Variants in FHIT observed in about 807,000 individuals in gnomAD.
FHIT encodes the protein bis(5'-adenosyl)-triphosphatase.
FHIT carries 19 observed loss-of-function variants against 17.9 expected under a neutral mutation model. That is an observed-to-expected ratio of 1.06 (90% CI 0.74 to 1.56). FHIT has a LOEUF of 1.56. FHIT is among the 40% of genes most tolerant of loss of function. The pLI, the probability that FHIT is intolerant of heterozygous loss-of-function variation, is 0.00. For missense variants in FHIT, 248 were observed against 189.2 expected, an observed-to-expected ratio of 1.31 and a Z score of -1.82; for synonymous variants, 81 against 69.7, an observed-to-expected ratio of 1.16 and a Z score of -0.81.
chr3:60,875,047 T>C (rs1335961220), intron 3 of FHIT, among the ~76,000 whole-genome samples: 1 of 152,188 alleles, frequency 6.6e-6, no homozygotes, highest in Non-Finnish European at 1.5e-5. Flanking sequence ...CAACAGTAGA[T>C]GCTCAGCAAT....
intron 7 of FHIT, among the ~76,000 whole-genome samples, chr3:59,933,516 A>C (rs1289205666): frequency 6.6e-6 from 1 of 152,160 alleles, no homozygotes; most frequent in African/African-American, 2.4e-5. Flanking sequence ...GAATTAAATA[A>C]ATTGTGCAAG....
chr3:60,578,109 T>G (rs1193244814), intron 4 of FHIT, among the ~76,000 whole-genome samples: 2 of 152,050 alleles, frequency 1.3e-5, no homozygotes, highest in African/African-American at 4.8e-5. Flanking sequence ...GACATTTAAA[T>G]ACAGAAAGGG....
At chr3:60,943,710 T>C (rs1300176775) in intron 3 of FHIT, among the ~76,000 whole-genome samples, 1 of 152,286 alleles carries the variant, frequency 6.6e-6, no homozygotes, top group East Asian at 1.9e-4. Flanking sequence ...CTGCATACCA[T>C]AGCAAGCATT....
intron 2 of FHIT, among the ~76,000 whole-genome samples, chr3:61,189,784 T>C (rs1426587483): frequency 2.6e-5 from 4 of 151,860 alleles, no homozygotes; most frequent in Non-Finnish European, 5.9e-5. Context: ...ATGCCACATA[T>C]CTACAACTAT....
intron 7 of FHIT, among the ~76,000 whole-genome samples, chr3:59,975,956 G>A (rs1370861909): frequency 6.6e-6 from 1 of 152,050 alleles, no homozygotes; most frequent in Non-Finnish European, 1.5e-5. Context: ...GTACTAGAAT[G>A]CTCCCAGACA....
At chr3:60,527,064 C>A (rs1174379638) in intron 5 of FHIT, among the ~76,000 whole-genome samples, 2 of 152,118 alleles carry the variant, frequency 1.3e-5, no homozygotes, top group Non-Finnish European at 2.9e-5. Flanking sequence ...GCATCTGTCC[C>A]CACATGTCAG....
intron 4 of FHIT, among the ~76,000 whole-genome samples, chr3:60,745,192 T>C (rs2042332053): frequency 6.6e-6 from 1 of 152,216 alleles, no homozygotes; most frequent in Non-Finnish European, 1.5e-5. Context: ...ATTTTGGTAC[T>C]AGGAGGCTCT....
At position 60,524,394 on chromosome 3, in the gene FHIT, A is replaced by G. The variant is rs183068650; in HGVS notation, c.103+12466T>C. On this transcript the variant is annotated intron_variant, in intron 5 of 9. Coordinates refer to ENST00000492590, the MANE Select transcript of FHIT (RefSeq NM_002012.4). ...TCTGAAGGAGTTGAGTGAACATAGC[A>G]TATGTACATCTGGGGAATTGGCATT... Among the ~76,000 whole-genome samples the G allele has an allele frequency of 1.1e-4, 17 of 152,320 alleles. No homozygotes were observed. In the East Asian group the frequency reaches 1.5e-3, roughly 14 times the overall value.
At chr3:59,994,157 G>C (rs1213018513) in intron 7 of FHIT, among the ~76,000 whole-genome samples, 2 of 152,026 alleles carry the variant, frequency 1.3e-5, no homozygotes, top group African/African-American at 4.8e-5. Context: ...GGGTTACAAA[G>C]CATTACTCCC....
At chr3:59,775,942 C>T (rs189246587) in intron 8 of FHIT, among the ~76,000 whole-genome samples, 1 of 152,078 alleles carries the variant, frequency 6.6e-6, no homozygotes, top group Non-Finnish European at 1.5e-5. Context: ...ATAATGAAGC[C>T]CCATTAAAGC....
At chr3:60,773,678 C>T (rs782170346) in intron 4 of FHIT, among the ~76,000 whole-genome samples, 9 of 152,232 alleles carry the variant, frequency 5.9e-5, no homozygotes, top group Non-Finnish European at 1.3e-4. Flanking sequence ...TTCTAGCTTA[C>T]AAGATAATCA....
In FHIT at chr3:60,976,933, C is replaced by T. The variant is rs369647854; in HGVS notation, c.-111+65114G>A. 5.3e-5 allele frequency among the ~76,000 whole-genome samples: 8 copies of T among 151,318 alleles called. No homozygotes were observed. In the East Asian group the frequency reaches 7.8e-4, roughly 15 times the overall value. On this transcript the variant is annotated intron_variant, in intron 3 of 9. Transcript: ENST00000492590. ...GACCTGAATTTCTATTAAAGGATTT[C>T]CTTTATTAACTCCTGCTGAAGAATT...
Position 61,006,859 on chromosome 3 carries a change from A to G in FHIT, c.-111+35188T>C, listed in dbSNP as rs562086805. Among the ~76,000 whole-genome samples, 9 of 152,320 alleles carry G rather than the reference A, an allele frequency of 5.9e-5. No individual in the cohort carries two copies. In the South Asian group the frequency reaches 1.7e-3, roughly 28 times the overall value. On this transcript the variant is annotated intron_variant, in intron 3 of 9. Coordinates refer to ENST00000492590, the MANE Select transcript of FHIT (RefSeq NM_002012.4). ...AAAAACTTACATAGTAGAAAGTTTA[A>G]TAATTTGATCTATAATATTAAGCTG...
At chr3:61,143,945 T>C (rs879337423) in intron 2 of FHIT, among the ~76,000 whole-genome samples, 1 of 152,216 alleles carries the variant, frequency 6.6e-6, no homozygotes, top group African/African-American at 2.4e-5. Context: ...TTGTCTCTAG[T>C]AGTGTAATAT....
intron 8 of FHIT, among the ~76,000 whole-genome samples, chr3:59,763,550 G>A (rs765257471): frequency 6.6e-5 from 10 of 152,250 alleles, no homozygotes; most frequent in Non-Finnish European, 1.5e-4. Flanking sequence ...CATGTATTCA[G>A]TGTATTTTAT....
intron 2 of FHIT, among the ~76,000 whole-genome samples, chr3:61,055,990 T>C (rs955373394): frequency 2.0e-5 from 3 of 152,246 alleles, no homozygotes; most frequent in Non-Finnish European, 4.4e-5. Flanking sequence ...TAAACTCTTT[T>C]AGTTATTATC....
intron 1 of FHIT, among the ~76,000 whole-genome samples, chr3:61,212,059 G>C (rs1166907498): frequency 1.3e-5 from 2 of 152,188 alleles, no homozygotes. Flanking sequence ...GGAAAAAACA[G>C]AGCAGAAAAA....
At chr3:59,830,417 A>G (rs983311144) in intron 8 of FHIT, among the ~76,000 whole-genome samples, 1 of 152,204 alleles carries the variant, frequency 6.6e-6, no homozygotes, top group African/African-American at 2.4e-5. Flanking sequence ...AGATTCAGAG[A>G]TATCCTTAAT....
intron 4 of FHIT, among the ~76,000 whole-genome samples, chr3:60,575,212 G>C (rs1200186020): frequency 2.0e-5 from 3 of 152,172 alleles, no homozygotes; most frequent in Non-Finnish European, 4.4e-5. Flanking sequence ...TAGCAAGCTA[G>C]TAAGAAACAT....
Sources: allele counts gnomAD v4.1 joint callset (sites outside exome capture counted in the v4.1 genomes callset), GRCh38; gene constraint gnomAD v4.1.1; transcripts MANE v1.5; gene names NCBI Gene and HGNC (gene_info 2026-07-23, HGNC 2026-07-21).